The following FGF12 variants were observed in gnomAD, a reference collection of about 807,000 sequenced individuals.
FGF12 encodes fibroblast growth factor 12.
A neutral mutation model predicts 23.6 loss-of-function variants in FGF12; 14 were observed. The observed-to-expected ratio is 0.59, with a 90% CI of 0.39 to 0.93. FGF12 has a LOEUF of 0.93. Among genes scored for constraint, FGF12 ranks in the 40% least tolerant of loss-of-function variants. The pLI, the probability that FGF12 is intolerant of heterozygous loss-of-function variation, is 0.00. For missense variants in FGF12, 175 were observed against 217.8 expected (o/e 0.80, Z 1.24); for synonymous variants, 62 against 77.3 (o/e 0.80, Z 1.04).
In FGF12 at chr3:192,371,750, T is replaced by C. The variant is rs368298885; in HGVS notation, c.14-11212A>G. 5.7e-3 allele frequency among the ~76,000 whole-genome samples: 855 copies of C among 149,268 alleles called. 7 individuals are homozygous for C. The highest frequency in any genetic ancestry group is 0.02 in the Middle Eastern group (6 of 294). On this transcript the variant is annotated intron_variant, in intron 2 of 5. Transcript: ENST00000445105. ...GGTACTATCATTGGGCTTTTTTTTT[T>C]ACATCTATATTAGGGAACTGAGGCT...
At chr3:192,511,783 T>C (rs993404466) in intron 2 of FGF12, among the ~76,000 whole-genome samples, 1 of 152,144 alleles carries the variant, frequency 6.6e-6, no homozygotes, top group Non-Finnish European at 1.5e-5. Flanking sequence ...CAACCTTGTC[T>C]GAGATTGTCC....
intron 2 of FGF12, among the ~76,000 whole-genome samples, chr3:192,608,542 T>G (rs77179513): frequency 0.056 from 8,568 of 152,174 alleles, 499 homozygotes; most frequent in African/African-American, 0.15. Flanking sequence ...CCTTTTAAAT[T>G]TATATGGAAT....
At chr3:192,258,687 A>C (rs1712561306) in intron 4 of FGF12, among the ~76,000 whole-genome samples, 1 of 152,090 alleles carries the variant, frequency 6.6e-6, no homozygotes, top group Non-Finnish European at 1.5e-5. Flanking sequence ...AAGTATAAAA[A>C]CTTTTGGGTG....
chr3:192,334,884 T>C (rs749936354), intron 4 of FGF12, among the ~76,000 whole-genome samples: 1 of 152,182 alleles, frequency 6.6e-6, no homozygotes, highest in Non-Finnish European at 1.5e-5. Flanking sequence ...ATTCTGAGAA[T>C]CTGACATATT....
intron 2 of FGF12, among the ~76,000 whole-genome samples, chr3:192,593,883 C>T (rs1386825844): frequency 1.3e-5 from 2 of 151,782 alleles, no homozygotes; most frequent in African/African-American, 4.8e-5. Flanking sequence ...TATAAAAATC[C>T]TCAAATTGCA....
intron 2 of FGF12, among the ~76,000 whole-genome samples, chr3:192,640,685 A>C (rs1348024887): frequency 6.6e-6 from 1 of 152,136 alleles, no homozygotes; most frequent in Non-Finnish European, 1.5e-5. Flanking sequence ...GTAAAAGTTC[A>C]TTTTTCTATA....
intron 2 of FGF12, among the ~76,000 whole-genome samples, chr3:192,687,052 A>G (rs1249551610): frequency 6.6e-6 from 1 of 151,086 alleles, no homozygotes. Flanking sequence ...GATGGTCTCC[A>G]TCTCCTGACC....
At position 192,260,041 on chromosome 3, in the gene FGF12, A is replaced by G. The variant is rs533452662; in HGVS notation, c.228+75320T>C. Among the ~76,000 whole-genome samples, 35 of 152,274 alleles carry G rather than the reference A, an allele frequency of 2.3e-4. No individual in the cohort carries two copies. The South Asian group carries it at 7.1e-3, about 31-fold the overall frequency. ...GCCTAAGTTTATAATTTGCTGTTAC[A>G]TATTTTTTCTTCCCCAACCGGATCT... is the stretch of plus-strand genomic sequence containing the variant. On this transcript the variant is annotated intron_variant, in intron 4 of 5. Coordinates refer to ENST00000445105, the MANE Select transcript of FGF12 (RefSeq NM_004113.6).
At chr3:192,571,739 G>T (rs1712645191) in intron 2 of FGF12, among the ~76,000 whole-genome samples, 1 of 152,172 alleles carries the variant, frequency 6.6e-6, no homozygotes, top group African/African-American at 2.4e-5. Flanking sequence ...AGCAACGCGA[G>T]CAACTTCCGA....
At chr3:192,200,162 A>C (rs1288304687) in intron 4 of FGF12, among the ~76,000 whole-genome samples, 4 of 107,688 alleles carry the variant, frequency 3.7e-5, no homozygotes, top group Admixed American at 8.5e-5. Context: ...AATAAAATAC[A>C]AAAAAAAAAA....
intron 2 of FGF12, among the ~76,000 whole-genome samples, chr3:192,371,708 T>C (rs189127614): frequency 7.4e-4 from 111 of 150,398 alleles, no homozygotes; most frequent in African/African-American, 2.6e-3. Context: ...GAATTTTCAC[T>C]GAAATAATTT....
At chr3:192,684,939 T>C (rs1282565966) in intron 2 of FGF12, among the ~76,000 whole-genome samples, 1 of 152,242 alleles carries the variant, frequency 6.6e-6, no homozygotes, top group Non-Finnish European at 1.5e-5. Context: ...ACTCCCCTAT[T>C]TACTTGTGTT....
At chr3:192,195,308 G>A (rs1318918354) in intron 4 of FGF12, among the ~76,000 whole-genome samples, 7 of 152,114 alleles carry the variant, frequency 4.6e-5, no homozygotes, top group Non-Finnish European at 8.8e-5. Context: ...CGTTTATAAT[G>A]ACAGATACAG....
intron 2 of FGF12, among the ~76,000 whole-genome samples, chr3:192,383,458 C>T (rs1470079273): frequency 6.6e-6 from 1 of 150,652 alleles, no homozygotes; most frequent in African/African-American, 2.5e-5. Context: ...AGTCTTTGAA[C>T]CCAGATAAAC....
chr3:192,330,818 C>G (rs1192902376), intron 4 of FGF12, among the ~76,000 whole-genome samples: 3 of 152,032 alleles, frequency 2.0e-5, no homozygotes, highest in Non-Finnish European at 4.4e-5. Flanking sequence ...GGATATGACA[C>G]CAAAACAATA....
At chr3:192,327,681 T>A (rs1029142183) in intron 4 of FGF12, among the ~76,000 whole-genome samples, 2 of 151,896 alleles carry the variant, frequency 1.3e-5, no homozygotes, top group African/African-American at 2.4e-5. Flanking sequence ...AGTTATGCGT[T>A]CTAGACATGT....
At chr3:192,299,046 G>T (rs986964054) in intron 4 of FGF12, among the ~76,000 whole-genome samples, 2 of 152,174 alleles carry the variant, frequency 1.3e-5, no homozygotes, top group African/African-American at 4.8e-5. Flanking sequence ...CTCCCACCAG[G>T]CCCCGCCTCC....
chr3:192,311,518 A>G (rs1407963560), intron 4 of FGF12, among the ~76,000 whole-genome samples: 2 of 152,206 alleles, frequency 1.3e-5, no homozygotes, highest in African/African-American at 2.4e-5. Context: ...GTATGAATAT[A>G]CCAAACTTTA....
chr3:192,686,815 A>ATTTTTTTTTTTTTTTT (rs57045697), intron 2 of FGF12, among the ~76,000 whole-genome samples: 2 of 61,478 alleles, frequency 3.3e-5, no homozygotes, highest in Non-Finnish European at 5.5e-5. Flanking sequence ...TTTTTCTCTA[A>ATTTTTTTTTTTTTTTT]TTTTTTTTTT....
Sources: gnomAD v4.1 joint callset for allele counts (sites outside exome capture counted in the v4.1 genomes callset) on GRCh38, gnomAD v4.1.1 for gene constraint, MANE v1.5 for transcripts, NCBI Gene and HGNC (gene_info 2026-07-23, HGNC 2026-07-21) for gene names.